PTPRR: variants seen among roughly 807,000 people sequenced by gnomAD.
PTPRR encodes receptor-type tyrosine-protein phosphatase R.
PTPRR carries 38 observed loss-of-function variants against 77.2 expected under a neutral mutation model. The ratio of observed to expected loss-of-function variants is 0.49; its 90% confidence interval spans 0.38 to 0.65. The LOEUF (loss-of-function observed/expected upper bound fraction) is 0.65. PTPRR is among the 30% of genes least tolerant of loss of function. The pLI is 0.00. For missense variants in PTPRR, 744 were observed against 799.2 expected, an observed-to-expected ratio of 0.93 and a Z score of 0.83; for synonymous variants, 299 against 283.1, an observed-to-expected ratio of 1.06 and a Z score of -0.57.
intron 6 of PTPRR, among the ~76,000 whole-genome samples, chr12:70,722,596 A>T (rs927791220): frequency 3.9e-5 from 6 of 152,104 alleles, no homozygotes; most frequent in Non-Finnish European, 2.9e-5. Flanking sequence ...TTTATTTATG[A>T]GTTATCTTAT....
chr12:70,897,065 G>T (rs192954975), intron 1 of PTPRR, among the ~76,000 whole-genome samples: 24 of 151,608 alleles, frequency 1.6e-4, no homozygotes, highest in Middle Eastern at 3.4e-3. Context: ...AGCTTTGTTC[G>T]TTTGGCTTAG....
intron 6 of PTPRR, among the ~76,000 whole-genome samples, chr12:70,714,586 A>T (rs1888949725): frequency 6.6e-6 from 1 of 152,208 alleles, no homozygotes. Context: ...GTTAATAGAT[A>T]TTTATTTCCA....
chr12:70,797,004 C>T (rs779982461), intron 2 of PTPRR, among the ~76,000 whole-genome samples: 5 of 152,026 alleles, frequency 3.3e-5, no homozygotes, highest in East Asian at 3.9e-4. Flanking sequence ...GGTGACAGAG[C>T]GAGACTCTGT....
intron 6 of PTPRR, among the ~76,000 whole-genome samples, chr12:70,719,621 C>G (rs1889169161): frequency 6.6e-6 from 1 of 152,136 alleles, no homozygotes; most frequent in African/African-American, 2.4e-5. Context: ...TACAACAAAT[C>G]TGTATCATTA....
intron 2 of PTPRR, among the ~76,000 whole-genome samples, chr12:70,821,533 T>C (rs923627166): frequency 4.6e-5 from 7 of 151,698 alleles, no homozygotes; most frequent in Non-Finnish European, 1.0e-4. Context: ...CTGCGATCAC[T>C]CTTTTATTGC....
chr12:70,684,088 G>T, intron 10 of PTPRR, 39 bp downstream of exon 10: 1 of 1,599,872 alleles, frequency 6.3e-7, no homozygotes, highest in South Asian at 1.1e-5. Context: ...TATAGCAACA[G>T]AACACATATA....
chr12:70,858,708 C>T (rs4760833), intron 2 of PTPRR, among the ~76,000 whole-genome samples: 28,025 of 151,922 alleles, frequency 0.18, 3,276 homozygotes, highest in East Asian at 0.41. Context: ...GACCTTTCAT[C>T]CCATCCACCT....
chr12:70,729,350 ATCTATCTATC>A lies in PTPRR; in HGVS notation c.1007+16458_1007+16467del, dbSNP rs1342439724. Among the ~76,000 whole-genome samples, 303 of 123,008 alleles carry A rather than the reference ATCTATCTATC, an allele frequency of 2.5e-3. 1 individual carries two copies. Among genetic ancestry groups the A allele is most frequent in the African/African-American group, 8.0e-3 (289 of 35,996 alleles). The allele number at this position is 123,008 out of a possible 152,430, so 80.7% of individuals were successfully genotyped here. On this transcript the variant is annotated intron_variant, in intron 6 of 13. Coordinates refer to ENST00000283228, the MANE Select transcript of PTPRR (RefSeq NM_002849.4). ...TGTCTATCTATCTATCTATCTATCT[ATCTATCTATC>A]TATCTGAGTATCATCTTTCCCCAAC...
chr12:70,724,835 AT>A (rs1889380144), intron 6 of PTPRR, among the ~76,000 whole-genome samples: 1 of 152,122 alleles, frequency 6.6e-6, no homozygotes. Flanking sequence ...ACATATATAT[AT>A]TTATATAATG....
At chr12:70,856,610 C>T (rs1415049712) in intron 2 of PTPRR, among the ~76,000 whole-genome samples, 2 of 152,140 alleles carry the variant, frequency 1.3e-5, no homozygotes, top group Non-Finnish European at 2.9e-5. Context: ...GTGAAAATCA[C>T]TTCGGAGATA....
At chr12:70,907,273 G>C (rs1156406579) in intron 1 of PTPRR, among the ~76,000 whole-genome samples, 2 of 152,178 alleles carry the variant, frequency 1.3e-5, no homozygotes, top group African/African-American at 4.8e-5. Context: ...TTTAAGAGAA[G>C]AACCTGAATC....
At chr12:70,837,714 C>T (rs1210125642) in intron 2 of PTPRR, among the ~76,000 whole-genome samples, 1 of 152,058 alleles carries the variant, frequency 6.6e-6, no homozygotes, top group African/African-American at 2.4e-5. Flanking sequence ...TTTGGGTTTT[C>T]ATGGAGGCTT....
intron 6 of PTPRR, among the ~76,000 whole-genome samples, chr12:70,714,383 A>T (rs538498198): frequency 4.6e-5 from 7 of 152,242 alleles, no homozygotes; most frequent in African/African-American, 1.4e-4. Context: ...TCTGCTTCTC[A>T]CAGCTCACCA....
At chr12:70,784,724 A>G (rs1233087583) in intron 2 of PTPRR, among the ~76,000 whole-genome samples, 4 of 152,258 alleles carry the variant, frequency 2.6e-5, no homozygotes, top group African/African-American at 9.6e-5. Context: ...TGTTTACTGC[A>G]CATCAATGTT....
intron 2 of PTPRR, among the ~76,000 whole-genome samples, chr12:70,857,825 A>G (rs1892679081): frequency 6.6e-6 from 1 of 152,102 alleles, no homozygotes; most frequent in South Asian, 2.1e-4. Context: ...ACTCAATTAT[A>G]TTGTTTTTGA....
chr12:70,788,977 C>T, intron 2 of PTPRR: 1 of 1,122,332 alleles, frequency 8.9e-7, no homozygotes. Context: ...CCGCCTGGTA[C>T]TGTTTCTAGA....
chr12:70,879,289 C>T (rs942490949), intron 2 of PTPRR, among the ~76,000 whole-genome samples: 6 of 151,720 alleles, frequency 4.0e-5, no homozygotes, highest in African/African-American at 2.4e-5. Flanking sequence ...CAACTGATGG[C>T]ACATTATATT....
chr12:70,726,672 C>T (rs1419343123), intron 6 of PTPRR, among the ~76,000 whole-genome samples: 2 of 151,842 alleles, frequency 1.3e-5, no homozygotes, highest in South Asian at 2.1e-4. Flanking sequence ...CCTCCACCTC[C>T]TGAGTTCAAA....
chr12:70,898,982 G>T (rs186198466), intron 1 of PTPRR, among the ~76,000 whole-genome samples: 6 of 151,150 alleles, frequency 4.0e-5, no homozygotes, highest in Non-Finnish European at 8.9e-5. Flanking sequence ...TAGATAAAAC[G>T]ATCAAATCCT....
Sources: gnomAD v4.1 joint callset for allele counts (sites outside exome capture counted in the v4.1 genomes callset) on GRCh38, gnomAD v4.1.1 for gene constraint, MANE v1.5 for transcripts, NCBI Gene and HGNC (gene_info 2026-07-23, HGNC 2026-07-21) for gene names.